Variants in DGKG observed in about 807,000 individuals in gnomAD.
DGKG encodes DAG kinase gamma.
A neutral mutation model predicts 105.3 loss-of-function variants in DGKG; 78 were observed. The observed-to-expected ratio is 0.74, with a 90% CI of 0.62 to 0.89. The LOEUF is 0.89. DGKG is among the 40% of genes least tolerant of loss of function. The pLI, the probability that DGKG is intolerant of heterozygous loss-of-function variation, is 0.00. For missense variants in DGKG, 958 were observed against 1,020.1 expected, an observed-to-expected ratio of 0.94 and a Z score of 0.83; for synonymous variants, 346 against 367.1, an observed-to-expected ratio of 0.94 and a Z score of 0.66.
At chr3:186,338,006 A>C (rs1434988706) in intron 1 of DGKG, among the ~76,000 whole-genome samples, 3 of 151,856 alleles carry the variant, frequency 2.0e-5, no homozygotes, top group Non-Finnish European at 4.4e-5. Flanking sequence ...CTGTCTCTAC[A>C]AAAAATTTTA....
Position 186,211,802 on chromosome 3 carries a change from T to A in DGKG, c.1910A>T (p.Glu637Val), listed in dbSNP as rs1224446547. The change falls in exon 21 of 25, where the codon GAG (glutamate) becomes GTG (valine). Residue 637 changes from glutamate to valine, a missense_variant. Coordinates refer to ENST00000265022, the MANE Select transcript of DGKG (RefSeq NM_001346.3). ...CCCCACTTGGGAACTTACCTCCAAC[T>A]CAATGTGGTCGTGGAGTTTCTTGCA... is the stretch of plus-strand genomic sequence containing the variant. ...ATCKKLHDHI[E>V]LECDGVGVDL... The A allele has an allele frequency of 1.9e-5, 30 of 1,613,910 alleles. No homozygotes were observed. The highest frequency in any genetic ancestry group is 2.5e-5 in the Non-Finnish European group (29 of 1,179,766).
At chr3:186,208,611 G>T (rs144619306) in intron 21 of DGKG, among the ~76,000 whole-genome samples, 2 of 152,308 alleles carry the variant, frequency 1.3e-5, no homozygotes, top group Non-Finnish European at 2.9e-5. Flanking sequence ...GAGATGCTGT[G>T]TGGGAAGACC....
At chr3:186,160,324 T>G (rs1578603341) in intron 24 of DGKG, 1 of 985,436 alleles carries the variant, frequency 1.0e-6, no homozygotes, top group East Asian at 1.1e-4. Context: ...AGGGTTTGAT[T>G]TCTTCCACCT....
intron 1 of DGKG, among the ~76,000 whole-genome samples, chr3:186,326,279 C>A (rs1418575374): frequency 4.6e-5 from 7 of 152,020 alleles, no homozygotes; most frequent in African/African-American, 1.7e-4. Context: ...GTAGTCCCAG[C>A]TACTCAGGAG....
chr3:186,276,667 C>A (rs1371688388), intron 9 of DGKG, among the ~76,000 whole-genome samples: 4 of 152,214 alleles, frequency 2.6e-5, no homozygotes, highest in Non-Finnish European at 5.9e-5. Flanking sequence ...CACAGTGACA[C>A]CCACATCTCC....
At chr3:186,198,580 G>GA (rs1011165952) in intron 21 of DGKG, among the ~76,000 whole-genome samples, 3 of 152,006 alleles carry the variant, frequency 2.0e-5, no homozygotes, top group African/African-American at 4.8e-5. Context: ...TCCCTTGGAG[G>GA]AAAAAAAGCC....
chr3:186,361,611 A>G lies in DGKG; in HGVS notation c.-249+335T>C, dbSNP rs1179697988. 2.6e-5 allele frequency among the ~76,000 whole-genome samples: 4 copies of G among 152,146 alleles called. No individual in the cohort carries two copies. The South Asian group carries it at 6.2e-4, about 24-fold the overall frequency. On this transcript the variant is annotated intron_variant, in intron 1 of 24. Coordinates refer to ENST00000265022, the MANE Select transcript of DGKG (RefSeq NM_001346.3). The surrounding 1 kb of genome is among the most constrained non-coding windows in gnomAD (Gnocchi z 6.8). Reference sequence around the variant, plus strand: ...ATATCAAGGAGCCAAGGTTAAGTCCAGAAGAAGAAGGAAATCCGACCAGTT... The same window carrying G: ...ATATCAAGGAGCCAAGGTTAAGTCCGGAAGAAGAAGGAAATCCGACCAGTT...
chr3:186,236,454 T>C (rs1720425210), intron 20 of DGKG, among the ~76,000 whole-genome samples: 1 of 152,218 alleles, frequency 6.6e-6, no homozygotes, highest in Non-Finnish European at 1.5e-5. Flanking sequence ...TATAGCAACA[T>C]TGCAAGATTT....
At chr3:186,292,202 T>C (rs762163672) in intron 5 of DGKG, among the ~76,000 whole-genome samples, 2 of 152,182 alleles carry the variant, frequency 1.3e-5, no homozygotes, top group Admixed American at 6.5e-5. Context: ...TGTTCCACTT[T>C]CTCCCTTGGT....
chr3:186,251,891 G>A lies in DGKG; in HGVS notation c.1629C>T (p.Ile543=). Residue 543 remains isoleucine (I), a synonymous_variant, in exon 19 of 25, where the codon ATC becomes ATT. Coordinates refer to ENST00000265022, the MANE Select transcript of DGKG (RefSeq NM_001346.3). The stretch of plus-strand genomic sequence containing the variant: ...AGGGGCTCTGCTCAATGTCTTTCAG[G>A]ATTTTTGTCAAGCTGCCCCCTTCAT... ...GGYEGGSLTK[I]LKDIEQSPLV... is the part of the protein sequence containing the mutation. 1.9e-6 allele frequency: 3 copies of A among 1,594,636 alleles called. No homozygotes were observed. The highest frequency in any genetic ancestry group is 2.6e-6 in the Non-Finnish European group (3 of 1,168,880).
intron 20 of DGKG, among the ~76,000 whole-genome samples, chr3:186,239,911 T>C (rs547004238): frequency 6.2e-4 from 95 of 152,180 alleles, no homozygotes; most frequent in Non-Finnish European, 1.0e-3. Flanking sequence ...TTTTTTTTTT[T>C]TTTTTCTGAC....
chr3:186,208,426 C>CAAAAA (rs10693104), intron 21 of DGKG, among the ~76,000 whole-genome samples: 1 of 95,340 alleles, frequency 1.0e-5, no homozygotes, highest in African/African-American at 4.0e-5. Flanking sequence ...ACCAGATTGG[C>CAAAAA]AAAAAAAAAA....
chr3:186,278,911 G>T (rs1420476865), intron 9 of DGKG, among the ~76,000 whole-genome samples: 2 of 152,150 alleles, frequency 1.3e-5, no homozygotes, highest in Admixed American at 6.5e-5. Flanking sequence ...CACCATTTGT[G>T]CTCCTACTAG....
rs182651550 is a variant in DGKG at position 186,284,814 on chromosome 3, C to T, written c.545-105G>A. On this transcript the variant is annotated intron_variant, in intron 6 of 24. Transcript: ENST00000265022. The surrounding 1 kb of genome is among the most constrained non-coding windows in gnomAD (Gnocchi z 4.0). ...TAGATTAGTTCTGTCACCACTGTGACGAAGGTTATGGCAGCCAGCTCTCCC... is the reference window on the plus strand; with the variant it reads ...TAGATTAGTTCTGTCACCACTGTGATGAAGGTTATGGCAGCCAGCTCTCCC... The T allele has an allele frequency of 2.6e-4, 237 of 923,928 alleles. No homozygotes were observed. Among genetic ancestry groups the T allele is most frequent in the Admixed American group, 1.3e-3 (72 of 53,786 alleles). 57.2% of individuals were successfully genotyped at this position (923,928 alleles called of 1,614,324 possible).
Position 186,358,541 on chromosome 3 carries a change from T to C in DGKG, c.-249+3405A>G, listed in dbSNP as rs145999114. On this transcript the variant is annotated intron_variant, in intron 1 of 24. Coordinates refer to ENST00000265022, the MANE Select transcript of DGKG (RefSeq NM_001346.3). ...GTGTGTGTGTTTTGTATTGCCTAAT[T>C]CAATCTCTCTTCTGCCAGCCACATT... Among the ~76,000 whole-genome samples the C allele has an allele frequency of 1.6e-4, 24 of 151,824 alleles. No homozygotes were observed. The East Asian group carries it at 4.0e-3, about 26-fold the overall frequency.
At chr3:186,288,361 A>G (rs569945249) in intron 6 of DGKG, among the ~76,000 whole-genome samples, 1 of 152,204 alleles carries the variant, frequency 6.6e-6, no homozygotes, top group African/African-American at 2.4e-5. Flanking sequence ...TAAAAAATCT[A>G]TTAAGAGGAG....
intron 24 of DGKG, among the ~76,000 whole-genome samples, chr3:186,157,827 C>T (rs764074995): frequency 7.2e-5 from 11 of 152,210 alleles, no homozygotes; most frequent in Admixed American, 2.6e-4. Context: ...CTCAGCCTCC[C>T]GAGGAGCTGG....
At chr3:186,326,838 A>G (rs1198872669) in intron 1 of DGKG, among the ~76,000 whole-genome samples, 4 of 152,176 alleles carry the variant, frequency 2.6e-5, no homozygotes, top group African/African-American at 7.2e-5. Flanking sequence ...CTTTTTCAGT[A>G]TGGTTCCAAA....
intron 9 of DGKG, chr3:186,279,090 T>C (rs1242731416): frequency 6.6e-6 from 1 of 152,184 alleles, no homozygotes; most frequent in Admixed American, 6.5e-5. Context: ...CACCCAGAAC[T>C]TTCTTTCATT....
Sources: allele counts gnomAD v4.1 joint callset (sites outside exome capture counted in the v4.1 genomes callset), GRCh38; gene constraint gnomAD v4.1.1; non-coding constraint Gnocchi (gnomAD v3.1); transcripts MANE v1.5; gene names NCBI Gene and HGNC (gene_info 2026-07-23, HGNC 2026-07-21).